ZNG1E: variants seen among roughly 807,000 people sequenced by gnomAD.
ZNG1E encodes the protein zinc-regulated GTPase metalloprotein activator 1E.
At chr9:65,684,880 C>T in the ZNG1E span, among the ~76,000 whole-genome samples, 1 of 151,962 alleles carries the variant, frequency 6.6e-6, no homozygotes, top group Non-Finnish European at 1.5e-5. Context: ...TTTTTTGTTT[C>T]CCATTGCATA....
chr9:65,664,575 T>C, the ZNG1E span, among the ~76,000 whole-genome samples: 1 of 126,026 alleles, frequency 7.9e-6, no homozygotes, highest in African/African-American at 3.0e-5. Context: ...CTCAGGTATG[T>C]CTTTATCAGC....
chr9:65,715,376 G>GAGCTGTAGC, the ZNG1E span, among the ~76,000 whole-genome samples: 1 of 150,922 alleles, frequency 6.6e-6, no homozygotes, highest in Non-Finnish European at 1.5e-5. Context: ...CTCACGCTGG[G>GAGCTGTAGC]AGCTGTAGAC....
the ZNG1E span, among the ~76,000 whole-genome samples, chr9:65,658,139 A>G: frequency 6.6e-6 from 1 of 151,802 alleles, no homozygotes; most frequent in Non-Finnish European, 1.5e-5. Context: ...ATAAATATAA[A>G]TACCTATTAT....
the ZNG1E span, among the ~76,000 whole-genome samples, chr9:65,683,658 A>G: frequency 6.6e-6 from 1 of 152,072 alleles, no homozygotes; most frequent in African/African-American, 2.4e-5. Context: ...ATTTGGGGGT[A>G]ATTTACTAAA....
the ZNG1E span, among the ~76,000 whole-genome samples, chr9:65,684,550 G>GCACGCA: frequency 7.5e-6 from 1 of 132,770 alleles, no homozygotes; most frequent in African/African-American, 3.1e-5. Context: ...ACACACGCAC[G>GCACGCA]CACACACACA....
At chr9:65,689,870 C>T in the ZNG1E span, among the ~76,000 whole-genome samples, 1 of 148,264 alleles carries the variant, frequency 6.7e-6, no homozygotes, top group East Asian at 2.0e-4. Context: ...TCAGTTGTTT[C>T]CCGTTTTGGA....
At chr9:65,667,518 A>T in the ZNG1E span, among the ~76,000 whole-genome samples, 7 of 152,282 alleles carry the variant, frequency 4.6e-5, no homozygotes, top group Non-Finnish European at 1.0e-4. Flanking sequence ...AATAAGAATA[A>T]AGTTTATTAT....
the ZNG1E span, among the ~76,000 whole-genome samples, chr9:65,673,729 C>A: frequency 6.6e-6 from 1 of 152,272 alleles, no homozygotes; most frequent in Non-Finnish European, 1.5e-5. Flanking sequence ...CACTTGAGCC[C>A]AGGAGTTTAG....
chr9:65,655,155 C>A, the ZNG1E span, among the ~76,000 whole-genome samples: 1 of 150,992 alleles, frequency 6.6e-6, no homozygotes, highest in African/African-American at 2.4e-5. Flanking sequence ...ACTGAACCAA[C>A]TGGATGTCAT....
chr9:65,673,933 T>C, the ZNG1E span, among the ~76,000 whole-genome samples: 2 of 152,298 alleles, frequency 1.3e-5, no homozygotes, highest in African/African-American at 2.4e-5. Context: ...CAGGCAGTAA[T>C]GCAGTGCTGA....
the ZNG1E span, among the ~76,000 whole-genome samples, chr9:65,671,442 C>A: frequency 1.3e-5 from 2 of 151,892 alleles, no homozygotes; most frequent in Non-Finnish European, 2.9e-5. Context: ...GCCTCAACCT[C>A]CCGAGTAGCT....
the ZNG1E span, among the ~76,000 whole-genome samples, chr9:65,677,433 T>C: frequency 6.6e-6 from 1 of 152,084 alleles, no homozygotes; most frequent in African/African-American, 2.4e-5. Flanking sequence ...CCCTCCTCCT[T>C]CCCCCTTTGT....
At chr9:65,661,222 T>A in the ZNG1E span, among the ~76,000 whole-genome samples, 2 of 121,556 alleles carry the variant, frequency 1.6e-5, no homozygotes, top group African/African-American at 7.9e-5. Flanking sequence ...TAAAATTGGC[T>A]CCGGAAGAAA....
the ZNG1E span, among the ~76,000 whole-genome samples, chr9:65,710,497 T>A: frequency 6.6e-6 from 1 of 151,804 alleles, no homozygotes; most frequent in African/African-American, 2.4e-5. Flanking sequence ...GGTCAAACGT[T>A]TAAGTCTTTA....
chr9:65,663,176 T>G, the ZNG1E span, among the ~76,000 whole-genome samples: 1 of 152,274 alleles, frequency 6.6e-6, no homozygotes, highest in Admixed American at 6.5e-5. Flanking sequence ...GAAGAACAAG[T>G]AGCTCCTCAG....
the ZNG1E span, among the ~76,000 whole-genome samples, chr9:65,674,876 T>TG: frequency 7.0e-6 from 1 of 141,890 alleles, no homozygotes; most frequent in Non-Finnish European, 1.5e-5. Flanking sequence ...ATAGCAGCCC[T>TG]GTTCATAAGA....
chr9:65,716,092 AG>A, the ZNG1E span, among the ~76,000 whole-genome samples: 1 of 68,466 alleles, frequency 1.5e-5, no homozygotes, highest in South Asian at 6.4e-4. Flanking sequence ...GCTTAAGGGT[AG>A]GCATAGTGGG....
chr9:65,678,638 C>T, the ZNG1E span, among the ~76,000 whole-genome samples: 4 of 139,664 alleles, frequency 2.9e-5, no homozygotes, highest in South Asian at 2.3e-4. Flanking sequence ...TTAGTGTGTA[C>T]GGTTCACAAG....
At chr9:65,681,386 TTAAA>T in the ZNG1E span, among the ~76,000 whole-genome samples, 5 of 152,268 alleles carry the variant, frequency 3.3e-5, no homozygotes, top group African/African-American at 1.2e-4. Flanking sequence ...TTAAGTCATC[TTAAA>T]TAAAAGCTAA....
Sources: gnomAD v4.1 joint callset for allele counts (sites outside exome capture counted in the v4.1 genomes callset) on GRCh38, gnomAD v4.1.1 for gene constraint, MANE v1.5 for transcripts, NCBI Gene and HGNC (gene_info 2026-07-23, HGNC 2026-07-21) for gene names.